Variants in PLEKHH2 observed in about 807,000 individuals in gnomAD.
PLEKHH2 encodes the protein pleckstrin homology domain-containing family H member 2.
A neutral mutation model predicts 187.9 loss-of-function variants in PLEKHH2; 129 were observed. The observed-to-expected ratio is 0.69, with a 90% confidence interval of 0.59 to 0.79. PLEKHH2 has a LOEUF of 0.79. Among genes scored for constraint, PLEKHH2 ranks in the 30% least tolerant of loss-of-function variants. The pLI is 0.00. For synonymous variants in PLEKHH2, 686 were observed against 605.6 expected, an observed-to-expected ratio of 1.13 and a Z score of -1.95; for missense variants, 2,076 against 1,751.2, an observed-to-expected ratio of 1.19 and a Z score of -3.31.
At chr2:43,737,088 G>T (rs890532902) in intron 19 of PLEKHH2, among the ~76,000 whole-genome samples, 1 of 152,178 alleles carries the variant, frequency 6.6e-6, no homozygotes, top group South Asian at 2.1e-4. Flanking sequence ...ATTGCCTCTG[G>T]AATGGGGCCC....
Position 43,720,665 on chromosome 2 carries a change from T to G in PLEKHH2, c.2461-4T>G. On this transcript the variant is annotated splice_polypyrimidine_tract_variant and splice_region_variant and intron_variant, in intron 15 of 29. Coordinates refer to ENST00000282406, the MANE Select transcript of PLEKHH2 (RefSeq NM_172069.4). ...ACTTGTAATTCATTGAAATATGGTT[T>G]CAGGTAAAACATGGATATTCCAAGA... The G allele has an allele frequency of 6.2e-7, 1 of 1,606,200 alleles. No individual in the cohort carries two copies. The highest frequency in any genetic ancestry group is 1.1e-5 in the South Asian group (1 of 88,890).
intron 19 of PLEKHH2, among the ~76,000 whole-genome samples, chr2:43,738,100 ACTGACCC>A (rs1671380805): frequency 6.6e-6 from 1 of 152,174 alleles, no homozygotes; most frequent in Non-Finnish European, 1.5e-5. Context: ...TTCTAGATGA[ACTGACCC>A]CTTTATCATT....
At chr2:43,651,716 G>T (rs1008471681) in intron 2 of PLEKHH2, among the ~76,000 whole-genome samples, 1 of 152,166 alleles carries the variant, frequency 6.6e-6, no homozygotes, top group African/African-American at 2.4e-5. Flanking sequence ...TCCCAGCCAT[G>T]AACAAGGCAT....
chr2:43,725,482 G>T (rs963467103), intron 16 of PLEKHH2, among the ~76,000 whole-genome samples: 1 of 152,172 alleles, frequency 6.6e-6, no homozygotes, highest in South Asian at 2.1e-4. Context: ...TGCTCTTTCA[G>T]GCTGCTTGTT....
intron 2 of PLEKHH2, among the ~76,000 whole-genome samples, chr2:43,656,176 C>G (rs569147140): frequency 6.6e-6 from 1 of 152,020 alleles, no homozygotes; most frequent in Non-Finnish European, 1.5e-5. Context: ...AGGTTGGTCT[C>G]GAACTCCTGA....
At chr2:43,703,591 C>G (rs114455853) in intron 8 of PLEKHH2, among the ~76,000 whole-genome samples, 3 of 152,166 alleles carry the variant, frequency 2.0e-5, no homozygotes, top group African/African-American at 7.2e-5. Context: ...TGGTTTCTAG[C>G]TTAATGTTAT....
chr2:43,647,734 C>T (rs1485185530), intron 2 of PLEKHH2, among the ~76,000 whole-genome samples: 1 of 152,134 alleles, frequency 6.6e-6, no homozygotes, highest in Non-Finnish European at 1.5e-5. Flanking sequence ...AGGGCTTCTC[C>T]CTAATAGTGC....
intron 15 of PLEKHH2, among the ~76,000 whole-genome samples, chr2:43,716,566 A>G (rs1354425526): frequency 2.0e-5 from 3 of 152,204 alleles, no homozygotes; most frequent in African/African-American, 7.2e-5. Flanking sequence ...ACATCTTCAG[A>G]TGCCCAGAAA....
At chr2:43,719,380 T>C (rs1368212728) in intron 15 of PLEKHH2, among the ~76,000 whole-genome samples, 1 of 152,252 alleles carries the variant, frequency 6.6e-6, no homozygotes, top group Non-Finnish European at 1.5e-5. Flanking sequence ...TCAAATGTTT[T>C]TGAATGAATG....
At chr2:43,689,334 C>T (rs1291313976) in intron 3 of PLEKHH2, among the ~76,000 whole-genome samples, 2 of 152,178 alleles carry the variant, frequency 1.3e-5, no homozygotes, top group Non-Finnish European at 2.9e-5. Flanking sequence ...GCAAAGTAGC[C>T]TAAAAACAGG....
At chr2:43,708,466 C>G (rs1669783547) in intron 11 of PLEKHH2, among the ~76,000 whole-genome samples, 1 of 152,230 alleles carries the variant, frequency 6.6e-6, no homozygotes, top group African/African-American at 2.4e-5. Flanking sequence ...AGCTGACTCC[C>G]TCACCTCCAT....
intron 2 of PLEKHH2, among the ~76,000 whole-genome samples, chr2:43,676,500 CG>C (rs940272784): frequency 3.3e-5 from 5 of 151,556 alleles, no homozygotes; most frequent in African/African-American, 4.9e-5. Context: ...GCGGCCACTG[CG>C]GGTGGGGTCC....
At position 43,682,067 on chromosome 2, in the gene PLEKHH2, C is replaced by T. The variant is rs561896614; in HGVS notation, c.186+3142C>T. Among the ~76,000 whole-genome samples, 21 of 152,244 alleles carry T rather than the reference C, an allele frequency of 1.4e-4. No homozygotes were observed. The East Asian group carries it at 3.9e-3, about 28-fold the overall frequency. On this transcript the variant is annotated intron_variant, in intron 3 of 29. Coordinates refer to ENST00000282406, the MANE Select transcript of PLEKHH2 (RefSeq NM_172069.4). ...ACCTCCACCCACTTCCCCTGCCCCC[C>T]TCACACTGGACTATTGAAAAGCAAA...
At chr2:43,701,653 T>C (rs1669372117) in intron 8 of PLEKHH2, among the ~76,000 whole-genome samples, 1 of 149,400 alleles carries the variant, frequency 6.7e-6, no homozygotes, top group Non-Finnish European at 1.5e-5. Context: ...CTAGAATAGA[T>C]AAAATCTTCT....
chr2:43,721,599 T>A lies in PLEKHH2; in HGVS notation c.2541+850T>A, dbSNP rs58725861. 9.8e-3 allele frequency among the ~76,000 whole-genome samples: 1,498 copies of A among 152,262 alleles called. 34 individuals carry two copies. Among genetic ancestry groups the A allele is most frequent in the African/African-American group, 0.034 (1,416 of 41,546 alleles). On this transcript the variant is annotated intron_variant, in intron 16 of 29. Coordinates refer to ENST00000282406, the MANE Select transcript of PLEKHH2 (RefSeq NM_172069.4). ...GCAGTACAGCCATTAAAAACAATACTGAGGCCAGGCATGATGGCTCATGCC... is the reference window on the plus strand; with the variant it reads ...GCAGTACAGCCATTAAAAACAATACAGAGGCCAGGCATGATGGCTCATGCC...
chr2:43,638,309 C>T (rs1182680171), intron 1 of PLEKHH2, among the ~76,000 whole-genome samples: 1 of 151,978 alleles, frequency 6.6e-6, no homozygotes, highest in Admixed American at 6.6e-5. Flanking sequence ...GATTACCCAG[C>T]CCAGTTAAGC....
intron 3 of PLEKHH2, chr2:43,680,509 T>C (rs1668115161): frequency 6.4e-6 from 1 of 156,444 alleles, no homozygotes; most frequent in Admixed American, 6.5e-5. Flanking sequence ...AAGTTTGTCA[T>C]GTTTCCTTCC....
intron 2 of PLEKHH2, among the ~76,000 whole-genome samples, chr2:43,677,282 G>T (rs927497221): frequency 3.3e-5 from 5 of 151,904 alleles, no homozygotes. Context: ...AATAGTGGAG[G>T]GAAGGTCAGC....
At chr2:43,755,476 T>G (rs1672180510) in intron 25 of PLEKHH2, among the ~76,000 whole-genome samples, 1 of 152,184 alleles carries the variant, frequency 6.6e-6, no homozygotes, top group South Asian at 2.1e-4. Context: ...CTTTCTCTGG[T>G]CTGGTCCCTC....
Sources: gnomAD v4.1 joint callset for allele counts (sites outside exome capture counted in the v4.1 genomes callset) on GRCh38, gnomAD v4.1.1 for gene constraint, MANE v1.5 for transcripts, NCBI Gene and HGNC (gene_info 2026-07-23, HGNC 2026-07-21) for gene names.